The following SGCD variants were observed in gnomAD, a reference collection of about 807,000 sequenced individuals.
SGCD encodes delta-sarcoglycan.
A neutral mutation model predicts 36.6 loss-of-function variants in SGCD; 18 were observed. That is an observed-to-expected ratio of 0.49 (90% CI 0.34 to 0.73). The LOEUF (loss-of-function observed/expected upper bound fraction) is 0.73. Among genes scored for constraint, SGCD ranks in the 30% least tolerant of loss-of-function variants. SGCD has a pLI of 0.01. For synonymous variants in SGCD, 133 were observed against 130.6 expected, an observed-to-expected ratio of 1.02 and a Z score of -0.12; for missense variants, 387 against 346.7, an observed-to-expected ratio of 1.12 and a Z score of -0.92.
At chr5:156,354,336 A>G (rs1769398285) in intron 3 of SGCD, among the ~76,000 whole-genome samples, 1 of 152,002 alleles carries the variant, frequency 6.6e-6, no homozygotes, top group Non-Finnish European at 1.5e-5. Context: ...CCTCAGGCAT[A>G]ATGGTTCTAG....
At chr5:156,713,788 T>TG (rs1755103592) in intron 7 of SGCD, among the ~76,000 whole-genome samples, 2 of 152,238 alleles carry the variant, frequency 1.3e-5, no homozygotes, top group Non-Finnish European at 2.9e-5. Flanking sequence ...TATTCTGGTT[T>TG]CTTTCAGCTA....
At chr5:155,891,558 C>CTTTTTTGTTTTTTTTTTT (rs1756130081) in intron 1 of SGCD, among the ~76,000 whole-genome samples, 1 of 60,778 alleles carries the variant, frequency 1.6e-5, no homozygotes, top group African/African-American at 6.9e-5. Context: ...AATAAATACT[C>CTTTTTTGTTTTTTTTTTT]TTTTTTTTTT....
intron 3 of SGCD, among the ~76,000 whole-genome samples, chr5:156,312,249 T>C (rs1436847795): frequency 6.6e-6 from 1 of 152,206 alleles, no homozygotes. Flanking sequence ...CCAAAACATT[T>C]ATTTATTGAG....
chr5:156,238,145 G>T (rs866419439), intron 3 of SGCD, among the ~76,000 whole-genome samples: 8 of 152,170 alleles, frequency 5.3e-5, no homozygotes, highest in East Asian at 3.9e-4. Context: ...AGGTCTTTCT[G>T]TTTCCCAGGC....
chr5:156,487,788 C>CAAAAAAAAA (rs56006984), intron 3 of SGCD, among the ~76,000 whole-genome samples: 7 of 41,388 alleles, frequency 1.7e-4, no homozygotes, highest in Admixed American at 8.3e-4. Context: ...ACTCTGTCAC[C>CAAAAAAAAA]AAAAAAAAAA....
chr5:156,566,531 G>C (rs1042881435), intron 4 of SGCD, among the ~76,000 whole-genome samples: 6 of 152,088 alleles, frequency 3.9e-5, no homozygotes, highest in Non-Finnish European at 7.4e-5. Flanking sequence ...TTTCCCAAAA[G>C]TTAGTCATCT....
chr5:156,617,590 G>A (rs1762064694), intron 6 of SGCD, among the ~76,000 whole-genome samples: 1 of 152,218 alleles, frequency 6.6e-6, no homozygotes, highest in Non-Finnish European at 1.5e-5. Context: ...CCACTGCCCA[G>A]TGGGAGAAGC....
chr5:156,712,882 G>A (rs1202947702), intron 7 of SGCD, among the ~76,000 whole-genome samples: 8 of 152,108 alleles, frequency 5.3e-5, no homozygotes, highest in African/African-American at 1.9e-4. Context: ...AAACCAGTGG[G>A]AAACTGATGA....
intron 7 of SGCD, among the ~76,000 whole-genome samples, chr5:156,738,306 G>A (rs976137231): frequency 2.6e-5 from 4 of 152,122 alleles, no homozygotes; most frequent in African/African-American, 9.7e-5. Context: ...CATAAAGAGA[G>A]TCCCTCTGGA....
intron 1 of SGCD, among the ~76,000 whole-genome samples, chr5:155,877,481 A>G (rs1460172933): frequency 6.6e-6 from 1 of 152,126 alleles, no homozygotes; most frequent in African/African-American, 2.4e-5. Flanking sequence ...TTTTCCTCAC[A>G]TATTGAATGA....
chr5:156,362,906 T>C (rs1304648693), intron 3 of SGCD, among the ~76,000 whole-genome samples: 6 of 152,198 alleles, frequency 3.9e-5, no homozygotes, highest in Non-Finnish European at 8.8e-5. Context: ...GGGGTACTCT[T>C]GAGAAATTGA....
chr5:155,779,830 T>C, the SGCD span, among the ~76,000 whole-genome samples: 1 of 152,174 alleles, frequency 6.6e-6, no homozygotes, highest in African/African-American at 2.4e-5. Flanking sequence ...ATTTTTCATA[T>C]TTGCTTTTGT....
At chr5:155,813,849 T>A in the SGCD span, among the ~76,000 whole-genome samples, 1 of 152,208 alleles carries the variant, frequency 6.6e-6, no homozygotes. Context: ...GACTGAAATC[T>A]TTCCTCTCCT....
At chr5:156,052,127 C>T (rs1049158190) in intron 1 of SGCD, among the ~76,000 whole-genome samples, 5 of 146,272 alleles carry the variant, frequency 3.4e-5, no homozygotes, top group African/African-American at 9.8e-5. Flanking sequence ...CTTCCGCCCA[C>T]AGCTTGAATC....
At chr5:156,549,470 G>T (rs1455182251) in intron 4 of SGCD, among the ~76,000 whole-genome samples, 1 of 152,200 alleles carries the variant, frequency 6.6e-6, no homozygotes, top group African/African-American at 2.4e-5. Context: ...CATGGACTTA[G>T]CTTGGCACCA....
intron 1 of SGCD, among the ~76,000 whole-genome samples, chr5:155,904,642 T>G (rs1756461285): frequency 6.6e-6 from 1 of 152,194 alleles, no homozygotes; most frequent in Non-Finnish European, 1.5e-5. Flanking sequence ...GTGCTTATGA[T>G]CTGCTGAGGG....
chr5:156,463,403 C>A (rs368183772), intron 3 of SGCD, among the ~76,000 whole-genome samples: 4 of 152,006 alleles, frequency 2.6e-5, no homozygotes, highest in African/African-American at 9.7e-5. Flanking sequence ...AGAGAGCAGA[C>A]GTATAGTCTT....
intron 6 of SGCD, among the ~76,000 whole-genome samples, chr5:156,603,751 T>G (rs1761295963): frequency 6.6e-6 from 1 of 152,060 alleles, no homozygotes; most frequent in South Asian, 2.1e-4. Context: ...TATACCATTG[T>G]CAGAAAAAAA....
At chr5:155,767,970 A>C in the SGCD span, among the ~76,000 whole-genome samples, 1 of 152,184 alleles carries the variant, frequency 6.6e-6, no homozygotes, top group Admixed American at 6.5e-5. Flanking sequence ...TATTATATAT[A>C]GAATTGTATA....
Sources: gnomAD v4.1 joint callset for allele counts (sites outside exome capture counted in the v4.1 genomes callset) on GRCh38, gnomAD v4.1.1 for gene constraint, MANE v1.5 for transcripts, NCBI Gene and HGNC (gene_info 2026-07-23, HGNC 2026-07-21) for gene names.